Variants in BABAM2 observed in about 807,000 individuals in gnomAD.
The protein encoded by BABAM2 is BRISC and BRCA1 A complex member 2, also known as BRISC and BRCA1-A complex member 2.
A neutral mutation model predicts 54.7 loss-of-function variants in BABAM2; 31 were observed. The ratio of observed to expected loss-of-function variants is 0.57; its 90% CI spans 0.43 to 0.77. The LOEUF is 0.77. Ranked by LOEUF, BABAM2 falls within the 30% of genes least tolerant of loss-of-function variation. BABAM2 has a pLI of 0.00. For missense variants in BABAM2, 364 were observed against 455.8 expected (o/e 0.80, Z 1.83); for synonymous variants, 167 against 162.9 (o/e 1.03, Z -0.19).
At chr2:28,131,476 G>T (rs975281811) in intron 7 of BABAM2, among the ~76,000 whole-genome samples, 5 of 152,182 alleles carry the variant, frequency 3.3e-5, no homozygotes, top group Admixed American at 6.5e-5. Context: ...AGGGCTCTGA[G>T]TCAAGCAGAT....
At chr2:27,979,448 G>C (rs2148468704) in intron 3 of BABAM2, among the ~76,000 whole-genome samples, 1 of 151,952 alleles carries the variant, frequency 6.6e-6, no homozygotes, top group South Asian at 2.1e-4. Flanking sequence ...TTTTTTCATA[G>C]AATGATTTAT....
chr2:28,132,037 G>C (rs1348012317), intron 7 of BABAM2, among the ~76,000 whole-genome samples: 1 of 151,944 alleles, frequency 6.6e-6, no homozygotes, highest in Non-Finnish European at 1.5e-5. Flanking sequence ...AAAATCTAAC[G>C]TGTGGGAAAT....
intron 4 of BABAM2, among the ~76,000 whole-genome samples, chr2:28,015,603 A>G (rs1169286764): frequency 1.3e-5 from 2 of 152,216 alleles, no homozygotes; most frequent in African/African-American, 4.8e-5. Flanking sequence ...ACACAGTGGC[A>G]TCTGAGTGGC....
chr2:28,337,585 C>G (rs1299326819), intron 11 of BABAM2, among the ~76,000 whole-genome samples: 1 of 152,246 alleles, frequency 6.6e-6, no homozygotes, highest in Non-Finnish European at 1.5e-5. Flanking sequence ...CCTGCCACCC[C>G]TCTTCCACTG....
chr2:28,092,757 TCTCTCTCTCTCTCTCACG>T (rs984232476), intron 6 of BABAM2, among the ~76,000 whole-genome samples: 2 of 151,486 alleles, frequency 1.3e-5, no homozygotes, highest in South Asian at 2.1e-4. Flanking sequence ...TGCCTCTCTC[TCTCTCTCTCTCTCTCACG>T]CTCTCTCTCT....
intron 4 of BABAM2, among the ~76,000 whole-genome samples, chr2:28,022,597 T>C (rs1462199256): frequency 2.6e-5 from 4 of 152,232 alleles, no homozygotes; most frequent in Non-Finnish European, 4.4e-5. Context: ...TGGAATCCTT[T>C]TTTGTATGCT....
intron 6 of BABAM2, among the ~76,000 whole-genome samples, chr2:28,121,095 A>G (rs1477680781): frequency 6.6e-6 from 1 of 152,202 alleles, no homozygotes; most frequent in Non-Finnish European, 1.5e-5. Context: ...TTTTTAACCA[A>G]GAACTCAGTA....
At chr2:27,906,070 T>C (rs1326072770) in intron 2 of BABAM2, among the ~76,000 whole-genome samples, 1 of 152,164 alleles carries the variant, frequency 6.6e-6, no homozygotes, top group Non-Finnish European at 1.5e-5. Context: ...AGATAGATAA[T>C]GCAGGGAGTT....
rs768775662 is a variant in BABAM2 at position 27,894,625 on chromosome 2, G to A, written c.69G>A (p.Arg23=). ...CCCCTTTCATATCTAGCGTGGTCCG[G>A]AATGGAAAAGTGGGACTGGATGCTA... ...MLSPFISSVV[R]NGKVGLDATN... Residue 23 remains arginine (R), a synonymous_variant, in exon 2 of 12, where the codon CGG becomes CGA. Transcript: ENST00000379624. The A allele has an allele frequency of 4.3e-6, 7 of 1,614,038 alleles. No individual in the cohort carries two copies. Among genetic ancestry groups the A allele is most frequent in the African/African-American group, 2.7e-5 (2 of 74,902 alleles).
Position 28,019,078 on chromosome 2 carries a change from C to T in BABAM2, c.301-6148C>T, listed in dbSNP as rs537425668. ...ATATGTTCTCATTGTTCAACTCCCA[C>T]TTATGAGTGAGAGCATGCAGTGTTT... On this transcript the variant is annotated intron_variant, in intron 4 of 11. Coordinates refer to ENST00000379624, the MANE Select transcript of BABAM2 (RefSeq NM_199191.3). Among the ~76,000 whole-genome samples, 6 of 152,218 alleles carry T rather than the reference C, an allele frequency of 3.9e-5. No homozygotes were observed. The South Asian group carries it at 1.2e-3, about 32-fold the overall frequency.
At chr2:28,183,940 G>A (rs1250232671) in intron 7 of BABAM2, among the ~76,000 whole-genome samples, 1 of 152,018 alleles carries the variant, frequency 6.6e-6, no homozygotes, top group Non-Finnish European at 1.5e-5. Context: ...TCAGAGTGTT[G>A]TTATTTGCTC....
intron 3 of BABAM2, among the ~76,000 whole-genome samples, chr2:27,985,459 C>T (rs1672334747): frequency 6.6e-6 from 1 of 152,112 alleles, no homozygotes; most frequent in Admixed American, 6.6e-5. Flanking sequence ...TTTTGATTTG[C>T]ATTTCCCTGA....
At chr2:28,219,487 C>T (rs1266196812) in intron 7 of BABAM2, among the ~76,000 whole-genome samples, 1 of 152,130 alleles carries the variant, frequency 6.6e-6, no homozygotes, top group Non-Finnish European at 1.5e-5. Context: ...ATGTCGGGGT[C>T]CTTAACCTTT....
chr2:28,246,375 G>A (rs867881352), intron 10 of BABAM2, among the ~76,000 whole-genome samples: 1 of 152,104 alleles, frequency 6.6e-6, no homozygotes, highest in African/African-American at 2.4e-5. Context: ...TACGACCTTG[G>A]TCCCAGTGAT....
At chr2:28,306,393 T>C (rs530256210) in intron 11 of BABAM2, among the ~76,000 whole-genome samples, 11 of 152,318 alleles carry the variant, frequency 7.2e-5, no homozygotes, top group African/African-American at 2.4e-4. Flanking sequence ...TTTTATATCT[T>C]AAAGCTTTAT....
At chr2:28,089,027 A>C (rs1379791648) in intron 6 of BABAM2, among the ~76,000 whole-genome samples, 1 of 151,682 alleles carries the variant, frequency 6.6e-6, no homozygotes, top group Non-Finnish European at 1.5e-5. Context: ...TTGTAAAAGT[A>C]GTGCATTTAG....
At chr2:28,180,971 G>T (rs1344259105) in intron 7 of BABAM2, among the ~76,000 whole-genome samples, 4 of 152,124 alleles carry the variant, frequency 2.6e-5, no homozygotes, top group Non-Finnish European at 5.9e-5. Context: ...GATGTCTAGT[G>T]AAGATGCAGA....
At chr2:28,312,711 G>T (rs967768097) in intron 11 of BABAM2, among the ~76,000 whole-genome samples, 8 of 152,030 alleles carry the variant, frequency 5.3e-5, no homozygotes, top group Non-Finnish European at 1.0e-4. Flanking sequence ...GAAGTTAAGT[G>T]TGACAGTGGG....
chr2:28,099,478 TC>T (rs1667012887), intron 6 of BABAM2, among the ~76,000 whole-genome samples: 2 of 152,246 alleles, frequency 1.3e-5, no homozygotes, highest in Non-Finnish European at 2.9e-5. Context: ...ATACTGTCCC[TC>T]TTTGCGTGAT....
Sources: allele counts gnomAD v4.1 joint callset (sites outside exome capture counted in the v4.1 genomes callset), GRCh38; gene constraint gnomAD v4.1.1; transcripts MANE v1.5; gene names NCBI Gene and HGNC (gene_info 2026-07-23, HGNC 2026-07-21).